Variants in MRPL1 observed in about 807,000 individuals in gnomAD.
MRPL1 encodes large ribosomal subunit protein uL1m.
MRPL1 carries 28 observed loss-of-function variants against 38.0 expected under a neutral mutation model. The observed-to-expected ratio is 0.74, with a 90% CI of 0.55 to 1.01. The LOEUF (loss-of-function observed/expected upper bound fraction) is 1.01. Among genes scored for constraint, MRPL1 ranks in the 50% least tolerant of loss-of-function variants. MRPL1 has a pLI of 0.00. For missense variants in MRPL1, 358 were observed against 389.8 expected, an observed-to-expected ratio of 0.92 and a Z score of 0.69; for synonymous variants, 123 against 126.7, an observed-to-expected ratio of 0.97 and a Z score of 0.20.
chr4:77,874,938 C>T lies in MRPL1; in HGVS notation c.143+3083C>T, dbSNP rs534250754. ...CTGGGATTACAGGCACACGCCACAACGCCCGGCTAATTTTTTTTTTTGTAT... is the reference window on the plus strand; with the variant it reads ...CTGGGATTACAGGCACACGCCACAATGCCCGGCTAATTTTTTTTTTTGTAT... On this transcript the variant is annotated intron_variant, in intron 2 of 8. Coordinates refer to ENST00000315567, the MANE Select transcript of MRPL1 (RefSeq NM_020236.4). 9.7e-4 allele frequency among the ~76,000 whole-genome samples: 148 copies of T among 151,866 alleles called. 1 individual carries two copies. The highest frequency in any genetic ancestry group is 3.2e-3 in the African/African-American group (132 of 41,462).
chr4:77,897,530 G>T (rs1484271925), intron 6 of MRPL1, among the ~76,000 whole-genome samples: 2 of 152,244 alleles, frequency 1.3e-5, no homozygotes, highest in African/African-American at 4.8e-5. Flanking sequence ...TTACACTAAT[G>T]TGTATTCCTC....
chr4:77,870,630 G>A (rs1174105647), intron 1 of MRPL1, among the ~76,000 whole-genome samples: 2 of 152,164 alleles, frequency 1.3e-5, no homozygotes, highest in East Asian at 3.9e-4. Flanking sequence ...AAAAGAGGAG[G>A]GAAATATATT....
chr4:77,905,496 CAAA>C (rs374398968), intron 6 of MRPL1, among the ~76,000 whole-genome samples: 3 of 63,392 alleles, frequency 4.7e-5, no homozygotes, highest in African/African-American at 6.3e-5. Context: ...GACTCCGTCT[CAAA>C]AAAAAAAAAA....
chr4:77,938,436 T>G (rs1051536335), intron 7 of MRPL1, among the ~76,000 whole-genome samples: 1 of 152,228 alleles, frequency 6.6e-6, no homozygotes, highest in South Asian at 2.1e-4. Flanking sequence ...CTTTGCAACC[T>G]AGTTTCAGAT....
intron 6 of MRPL1, 110 bp downstream of exon 6, chr4:77,894,360 G>T: frequency 1.6e-6 from 1 of 643,134 alleles, no homozygotes; most frequent in Non-Finnish European, 2.6e-6. Flanking sequence ...GTATGTCCTG[G>T]TATTTGAGTT....
At chr4:77,864,072 G>A (rs905144282) in intron 1 of MRPL1, among the ~76,000 whole-genome samples, 1 of 151,110 alleles carries the variant, frequency 6.6e-6, no homozygotes, top group African/African-American at 2.4e-5. Context: ...AAAAATTAGG[G>A]GTGACAAGAG....
At chr4:77,888,857 C>T (rs911359985) in intron 5 of MRPL1, among the ~76,000 whole-genome samples, 4 of 152,214 alleles carry the variant, frequency 2.6e-5, no homozygotes, top group East Asian at 3.9e-4. Context: ...TGCTATCCCT[C>T]CCCCGTCCCC....
intron 6 of MRPL1, among the ~76,000 whole-genome samples, chr4:77,903,911 C>T (rs1736096668): frequency 6.6e-6 from 1 of 151,988 alleles, no homozygotes; most frequent in Admixed American, 6.6e-5. Context: ...AGCATATTCT[C>T]ATGTTTAAAT....
intron 3 of MRPL1, among the ~76,000 whole-genome samples, chr4:77,884,953 T>A (rs982062326): frequency 2.0e-5 from 3 of 152,192 alleles, no homozygotes; most frequent in Non-Finnish European, 4.4e-5. Flanking sequence ...ATGAATGATG[T>A]AGAGATAGAA....
At chr4:77,867,596 A>G (rs1031461760) in intron 1 of MRPL1, among the ~76,000 whole-genome samples, 3 of 151,618 alleles carry the variant, frequency 2.0e-5, no homozygotes, top group African/African-American at 4.8e-5. Context: ...ATGTTGCCCA[A>G]GCTGGTCTTG....
chr4:77,905,467 A>C (rs774433043), intron 6 of MRPL1, among the ~76,000 whole-genome samples: 3 of 132,232 alleles, frequency 2.3e-5, no homozygotes, highest in Non-Finnish European at 4.7e-5. Context: ...ACTGTACTCC[A>C]GCCTGGGCAA....
chr4:77,867,820 G>A (rs1288146248), intron 1 of MRPL1, among the ~76,000 whole-genome samples: 2 of 139,018 alleles, frequency 1.4e-5, no homozygotes, highest in Non-Finnish European at 3.0e-5. Flanking sequence ...GCAGTGGCAC[G>A]ATCTCGGCTC....
chr4:77,906,965 T>TAGTTTAA, intron 6 of MRPL1: 1 of 985,088 alleles, frequency 1.0e-6, no homozygotes, highest in Non-Finnish European at 1.2e-6. Flanking sequence ...TGCCTATGGG[T>TAGTTTAA]AGTTGCTTTC....
chr4:77,929,728 G>A (rs370751558), intron 7 of MRPL1, among the ~76,000 whole-genome samples: 1 of 150,904 alleles, frequency 6.6e-6, no homozygotes, highest in Non-Finnish European at 1.5e-5. Flanking sequence ...GCCTGTTTTT[G>A]TATGGCCTGT....
chr4:77,916,640 T>C (rs1455856491), intron 7 of MRPL1, among the ~76,000 whole-genome samples: 2 of 152,164 alleles, frequency 1.3e-5, no homozygotes, highest in African/African-American at 4.8e-5. Flanking sequence ...ATAGTATGAA[T>C]GTCATCAAAG....
chr4:77,876,364 G>A (rs568246528), intron 2 of MRPL1, among the ~76,000 whole-genome samples: 2 of 152,098 alleles, frequency 1.3e-5, no homozygotes, highest in African/African-American at 4.8e-5. Context: ...TTATTTATTA[G>A]GGATACTAAT....
chr4:77,868,400 C>T (rs570898359), intron 1 of MRPL1, among the ~76,000 whole-genome samples: 185 of 152,138 alleles, frequency 1.2e-3, no homozygotes, highest in Non-Finnish European at 2.1e-3. Context: ...CCACCACACC[C>T]GGCTAATTTT....
At chr4:77,879,167 T>G (rs774711344) in intron 2 of MRPL1, among the ~76,000 whole-genome samples, 1 of 152,216 alleles carries the variant, frequency 6.6e-6, no homozygotes, top group Non-Finnish European at 1.5e-5. Context: ...TATAATTGCA[T>G]GAACAACAAA....
chr4:77,890,310 T>C (rs981166723), intron 5 of MRPL1, among the ~76,000 whole-genome samples: 4 of 152,200 alleles, frequency 2.6e-5, no homozygotes, highest in Non-Finnish European at 4.4e-5. Flanking sequence ...GCTTCATCCC[T>C]GGGATGCAAG....
Sources: gnomAD v4.1 joint callset for allele counts (sites outside exome capture counted in the v4.1 genomes callset) on GRCh38, gnomAD v4.1.1 for gene constraint, MANE v1.5 for transcripts, NCBI Gene and HGNC (gene_info 2026-07-23, HGNC 2026-07-21) for gene names.